Variants in DENND1A observed in about 807,000 individuals in gnomAD.
DENND1A encodes DENN domain-containing protein 1A.
In DENND1A, 51 loss-of-function variants were observed where a neutral mutation model predicts 113.7. The observed-to-expected ratio is 0.45, with a 90% CI of 0.36 to 0.57. The LOEUF is 0.57. DENND1A is among the 20% of genes least tolerant of loss of function. The pLI, the probability that DENND1A is intolerant of heterozygous loss-of-function variation, is 0.00. For synonymous variants in DENND1A, 565 were observed against 570.8 expected, an observed-to-expected ratio of 0.99 and a Z score of 0.14; for missense variants, 1,258 against 1,395.9, an observed-to-expected ratio of 0.90 and a Z score of 1.57.
chr9:123,715,385 T>C lies in DENND1A; in HGVS notation c.303-38596A>G, dbSNP rs139207972. ...TTGGTCAGATCATCTTATCAGAGAC[T>C]GTGAGCTGCCTGAAGACAGAAAGTA... On this transcript the variant is annotated intron_variant, in intron 5 of 23. Coordinates refer to ENST00000394215, the MANE Select transcript of DENND1A (RefSeq NM_001352964.2). Among the ~76,000 whole-genome samples the C allele has an allele frequency of 1.1e-4, 17 of 152,314 alleles. 1 individual carries two copies. In the East Asian group the frequency reaches 3.3e-3, roughly 29 times the overall value.
intron 13 of DENND1A, among the ~76,000 whole-genome samples, chr9:123,547,366 C>T (rs187452270): frequency 6.6e-6 from 1 of 152,310 alleles, no homozygotes; most frequent in Admixed American, 6.5e-5. Flanking sequence ...CCTGTTTCTA[C>T]TAAAAATACA....
chr9:123,408,061 C>T (rs2044019083), intron 20 of DENND1A, among the ~76,000 whole-genome samples: 1 of 152,154 alleles, frequency 6.6e-6, no homozygotes, highest in African/African-American at 2.4e-5. Flanking sequence ...AGGTGCCAGG[C>T]TACAAAGCTC....
chr9:123,654,301 T>C (rs763514916), intron 8 of DENND1A, among the ~76,000 whole-genome samples: 2 of 151,940 alleles, frequency 1.3e-5, no homozygotes, highest in Non-Finnish European at 2.9e-5. Context: ...AAAAAGAAAA[T>C]AGAAATGAGG....
At chr9:123,398,454 C>T (rs2043248318) in intron 21 of DENND1A, among the ~76,000 whole-genome samples, 3 of 151,484 alleles carry the variant, frequency 2.0e-5, no homozygotes, top group African/African-American at 7.3e-5. Flanking sequence ...GGCTCACTGC[C>T]AGCTCCACCT....
intron 1 of DENND1A, among the ~76,000 whole-genome samples, chr9:123,892,997 A>G (rs1449739137): frequency 1.3e-5 from 2 of 152,044 alleles, no homozygotes; most frequent in African/African-American, 4.8e-5. Context: ...TAATAAGAAT[A>G]ATAATAATAA....
At chr9:123,794,348 A>G (rs1160085761) in intron 2 of DENND1A, among the ~76,000 whole-genome samples, 1 of 152,216 alleles carries the variant, frequency 6.6e-6, no homozygotes, top group African/African-American at 2.4e-5. Context: ...TACAGAACTT[A>G]AAATTTGGTC....
chr9:123,421,658 C>T (rs1235709317), intron 19 of DENND1A, among the ~76,000 whole-genome samples: 1 of 152,210 alleles, frequency 6.6e-6, no homozygotes, highest in Non-Finnish European at 1.5e-5. Flanking sequence ...CATTTATCAT[C>T]TCTGGAATGA....
chr9:123,711,486 A>AAAAAATATATATATATGTATATATGTAT (rs1318894625), intron 5 of DENND1A, among the ~76,000 whole-genome samples: 3 of 101,786 alleles, frequency 2.9e-5, no homozygotes, highest in African/African-American at 1.1e-4. Context: ...TAAATTAAAA[A>AAAAAATATATATATATGTATATATGTAT]ATATATATAT....
chr9:123,449,322 G>A (rs1233562616), intron 18 of DENND1A, among the ~76,000 whole-genome samples: 2 of 152,150 alleles, frequency 1.3e-5, no homozygotes, highest in Non-Finnish European at 2.9e-5. Context: ...GGATCACGAG[G>A]TCAGGAGATC....
intron 13 of DENND1A, among the ~76,000 whole-genome samples, chr9:123,467,000 G>A (rs984965886): frequency 6.6e-6 from 1 of 152,064 alleles, no homozygotes; most frequent in Admixed American, 6.6e-5. Flanking sequence ...GCAGTGAGCC[G>A]TGATCACACC....
At chr9:123,862,829 C>A (rs1009799275) in intron 2 of DENND1A, among the ~76,000 whole-genome samples, 1 of 152,126 alleles carries the variant, frequency 6.6e-6, no homozygotes, top group African/African-American at 2.4e-5. Flanking sequence ...ATATGTATAA[C>A]AATCAGGAGC....
intron 8 of DENND1A, among the ~76,000 whole-genome samples, chr9:123,654,919 G>C (rs932907284): frequency 3.3e-5 from 5 of 152,166 alleles, no homozygotes; most frequent in Non-Finnish European, 7.3e-5. Context: ...GGGAGCACTC[G>C]CAGTTCCCAT....
chr9:123,564,063 T>C (rs976799673), intron 12 of DENND1A, among the ~76,000 whole-genome samples: 1 of 152,166 alleles, frequency 6.6e-6, no homozygotes, highest in Non-Finnish European at 1.5e-5. Flanking sequence ...CCCAAGGACT[T>C]CCAGTTTAGC....
At chr9:123,406,501 G>A (rs749549661) in intron 20 of DENND1A, among the ~76,000 whole-genome samples, 10 of 152,204 alleles carry the variant, frequency 6.6e-5, no homozygotes, top group African/African-American at 2.2e-4. Context: ...CCCCTGCCTC[G>A]CATTCTGTGG....
Position 123,411,820 on chromosome 9 carries a change from G to A in DENND1A, c.1498C>T (p.Leu500=). 1 of 985,932 alleles carries A rather than the reference G, an allele frequency of 1.0e-6. No homozygotes were observed. The highest frequency in any genetic ancestry group is 1.2e-6 in the Non-Finnish European group (1 of 830,036). The allele number at this position is 985,932 out of a possible 1,614,324, so 61.1% of individuals were successfully genotyped here. ...ITVHFGQLQR[L]RPTRPPPKIQ... ...TTGGGAGGCGGTCGGGTGGGACGCA[G>A]TCTCTGCAGCTGCATTAAAGTGGAA... Residue 500 remains leucine (L), a synonymous_variant, in exon 20 of 24, where the codon CTG becomes TTG. Transcript: ENST00000394215.
intron 5 of DENND1A, among the ~76,000 whole-genome samples, chr9:123,717,648 T>C (rs76275537): frequency 0.025 from 3,878 of 152,322 alleles, 76 homozygotes; most frequent in Non-Finnish European, 0.038. Context: ...CCAGTTTAAA[T>C]TCCTAAGCCC....
chr9:123,634,039 T>C (rs1234730115), intron 9 of DENND1A, among the ~76,000 whole-genome samples: 1 of 152,248 alleles, frequency 6.6e-6, no homozygotes, highest in African/African-American at 2.4e-5. Flanking sequence ...AGAATGAACC[T>C]GGTTAAGACA....
intron 19 of DENND1A, among the ~76,000 whole-genome samples, chr9:123,418,487 C>T (rs565463311): frequency 1.3e-5 from 2 of 152,324 alleles, no homozygotes; most frequent in African/African-American, 4.8e-5. Flanking sequence ...GGGGAAGGCG[C>T]GTTGGAATAG....
chr9:123,699,878 A>T (rs1297270231), intron 5 of DENND1A, among the ~76,000 whole-genome samples: 1 of 151,792 alleles, frequency 6.6e-6, no homozygotes, highest in African/African-American at 2.4e-5. Flanking sequence ...TTGTATTTTC[A>T]GAAGAGACGG....
Sources: gnomAD v4.1 joint callset for allele counts (sites outside exome capture counted in the v4.1 genomes callset) on GRCh38, gnomAD v4.1.1 for gene constraint, MANE v1.5 for transcripts, NCBI Gene and HGNC (gene_info 2026-07-23, HGNC 2026-07-21) for gene names.